TRAPPC9: variants seen among roughly 807,000 people sequenced by gnomAD.
TRAPPC9 encodes the protein trafficking protein particle complex subunit 9, also known as IKK2 binding protein.
In TRAPPC9, 83 loss-of-function variants were observed where a neutral mutation model predicts 124.0. The observed-to-expected ratio is 0.67, with a 90% CI of 0.56 to 0.80. TRAPPC9 has a LOEUF of 0.80. Ranked by LOEUF, TRAPPC9 falls within the 30% of genes least tolerant of loss-of-function variation. TRAPPC9 has a pLI of 0.00. For synonymous variants in TRAPPC9, 638 were observed against 617.5 expected (o/e 1.03, Z -0.49); for missense variants, 1,302 against 1,508.3 (o/e 0.86, Z 2.27).
chr8:140,115,269 GGT>G (rs1563772404), intron 17 of TRAPPC9, among the ~76,000 whole-genome samples: 1 of 150,518 alleles, frequency 6.6e-6, no homozygotes, highest in African/African-American at 2.5e-5. Context: ...TTGTTATAAT[GGT>G]TTTTTTTTTT....
intron 20 of TRAPPC9, among the ~76,000 whole-genome samples, chr8:139,906,776 G>A (rs1831393404): frequency 6.6e-6 from 1 of 152,150 alleles, no homozygotes; most frequent in African/African-American, 2.4e-5. Context: ...CCCTGACTTA[G>A]AGCTGCTCAC....
intron 9 of TRAPPC9, among the ~76,000 whole-genome samples, chr8:140,329,480 C>T (rs1306470832): frequency 6.6e-6 from 1 of 152,194 alleles, no homozygotes; most frequent in Non-Finnish European, 1.5e-5. Context: ...AAGTCAAGTG[C>T]TGCATTAGAG....
At chr8:139,797,517 C>A (rs998364404) in intron 21 of TRAPPC9, among the ~76,000 whole-genome samples, 2 of 152,160 alleles carry the variant, frequency 1.3e-5, no homozygotes, top group African/African-American at 4.8e-5. Context: ...ACCTAAACCT[C>A]CCACAGTGCT....
intron 15 of TRAPPC9, among the ~76,000 whole-genome samples, chr8:140,270,450 C>A (rs759651745): frequency 1.3e-5 from 2 of 152,190 alleles, no homozygotes; most frequent in Non-Finnish European, 2.9e-5. Flanking sequence ...ACCAATTACT[C>A]GGTACTGAGC....
intron 17 of TRAPPC9, among the ~76,000 whole-genome samples, chr8:140,183,462 C>T (rs1316882461): frequency 1.3e-5 from 2 of 152,190 alleles, no homozygotes; most frequent in African/African-American, 4.8e-5. Context: ...ACCTCGATTA[C>T]GTATTCCACA....
At chr8:139,736,012 T>G (rs1409865575) in intron 21 of TRAPPC9, among the ~76,000 whole-genome samples, 1 of 152,228 alleles carries the variant, frequency 6.6e-6, no homozygotes, top group Non-Finnish European at 1.5e-5. Flanking sequence ...TGCCTCTGAC[T>G]TCCCTTCACC....
chr8:140,239,553 T>C (rs1439798491), intron 16 of TRAPPC9, among the ~76,000 whole-genome samples: 1 of 152,134 alleles, frequency 6.6e-6, no homozygotes, highest in East Asian at 1.9e-4. Context: ...GCAGGTGTGC[T>C]TCCCTTTGCT....
chr8:139,791,336 C>T (rs1036646613), intron 21 of TRAPPC9, among the ~76,000 whole-genome samples: 7 of 134,766 alleles, frequency 5.2e-5, no homozygotes, highest in East Asian at 2.2e-4. Flanking sequence ...GACACACACA[C>T]GCTCACACTC....
At chr8:140,243,976 C>T (rs558452394) in intron 16 of TRAPPC9, among the ~76,000 whole-genome samples, 61 of 152,366 alleles carry the variant, frequency 4.0e-4, no homozygotes, top group South Asian at 1.7e-3. Flanking sequence ...GCCTCAGGTT[C>T]TCACAGGAGT....
intron 10 of TRAPPC9, among the ~76,000 whole-genome samples, chr8:140,301,380 A>G (rs1429164504): frequency 6.6e-6 from 1 of 152,198 alleles, no homozygotes; most frequent in African/African-American, 2.4e-5. Context: ...TCTCACTTAA[A>G]CATCACAAAC....
rs887806975 is a variant in TRAPPC9, at chr8:140,087,442, G to A, written c.2557-63363C>T. Among the ~76,000 whole-genome samples the A allele has an allele frequency of 3.3e-5, 5 of 152,112 alleles. No homozygotes were observed. Among genetic ancestry groups the A allele is most frequent in the Non-Finnish European group, 5.9e-5 (4 of 68,014 alleles). ...ACAGATGGAACACCAACAGGCTCCC[G>A]CACAGCCCCGCTGAAGAGCCGAACG... On this transcript the variant is annotated intron_variant, in intron 17 of 22. Transcript: ENST00000438773. The surrounding 1 kb of genome is among the most constrained non-coding windows in gnomAD (Gnocchi z 4.6).
chr8:140,406,647 A>G (rs2132437051), intron 5 of TRAPPC9, among the ~76,000 whole-genome samples: 3 of 152,356 alleles, frequency 2.0e-5, no homozygotes, highest in Middle Eastern at 6.8e-3. Flanking sequence ...AGACAGAAGA[A>G]TAAACAGGTA....
chr8:140,382,208 G>A (rs540451757), intron 7 of TRAPPC9, among the ~76,000 whole-genome samples: 8 of 152,336 alleles, frequency 5.3e-5, no homozygotes, highest in African/African-American at 1.4e-4. Flanking sequence ...AGCTCCCAGC[G>A]TGAGCGACAC....
At chr8:140,259,950 A>G (rs746835644) in intron 15 of TRAPPC9, among the ~76,000 whole-genome samples, 3 of 152,254 alleles carry the variant, frequency 2.0e-5, no homozygotes, top group Admixed American at 6.5e-5. Flanking sequence ...TGAATATACG[A>G]TTAATTCCAA....
At chr8:140,273,337 G>A (rs978525613) in intron 15 of TRAPPC9, among the ~76,000 whole-genome samples, 11 of 152,298 alleles carry the variant, frequency 7.2e-5, no homozygotes, top group African/African-American at 1.7e-4. Context: ...TGTTCATAGC[G>A]ATTCTTTCTG....
chr8:139,816,568 T>TCCCAC (rs10627207), intron 21 of TRAPPC9, among the ~76,000 whole-genome samples: 19,836 of 150,582 alleles, frequency 0.13, 1,055 homozygotes, highest in Admixed American at 0.19. Flanking sequence ...GAGAGTCCCC[T>TCCCAC]CCCACCCCAC....
intron 20 of TRAPPC9, chr8:139,908,494 G>A (rs532525887): frequency 3.9e-5 from 6 of 152,352 alleles, no homozygotes; most frequent in Admixed American, 3.9e-4. Flanking sequence ...ACCCAGCATA[G>A]ACGCTGGGAG....
chr8:139,789,418 C>G (rs911111206), intron 21 of TRAPPC9, among the ~76,000 whole-genome samples: 27 of 152,204 alleles, frequency 1.8e-4, no homozygotes, highest in African/African-American at 5.8e-4. Flanking sequence ...GTGTGGTTAT[C>G]ACAGCAGCAT....
At position 139,885,898 on chromosome 8, in the gene TRAPPC9, C is replaced by A. The variant is rs1318556782; in HGVS notation, c.3036G>T (p.Gln1012His). Residue 1012 changes from glutamine to histidine, a missense_variant, in exon 21 of 23, where the codon CAG (glutamine) becomes CAT (histidine). This residue lies in a region of TRAPPC9 where 640 missense variants were observed against 679.3 expected (regional missense o/e 0.94). Coordinates refer to ENST00000438773, the MANE Select transcript of TRAPPC9 (RefSeq NM_001160372.4). ...ACTCACCCCACTGCAGAGGCGCCAG[C>A]TGCAGGTGCTCCAGGACGAGCTGGT... is the stretch of plus-strand genomic sequence containing the variant. ...LLNQLVLEHLQLAPLQWDVLV... is the reference protein window; with the variant it reads ...LLNQLVLEHLHLAPLQWDVLV... The A allele has an allele frequency of 6.4e-7, 1 of 1,567,780 alleles. No individual in the cohort carries two copies. Among genetic ancestry groups the A allele is most frequent in the Non-Finnish European group, 8.7e-7 (1 of 1,155,618 alleles).
Sources: allele counts gnomAD v4.1 joint callset (sites outside exome capture counted in the v4.1 genomes callset), GRCh38; gene constraint gnomAD v4.1.1; regional missense constraint gnomAD v4.1.1; non-coding constraint Gnocchi (gnomAD v3.1); transcripts MANE v1.5; gene names NCBI Gene and HGNC (gene_info 2026-07-23, HGNC 2026-07-21).